SEC16A: variants seen among roughly 807,000 people sequenced by gnomAD.
SEC16A encodes the protein SEC16 homolog A, endoplasmic reticulum export factor.
SEC16A carries 110 observed loss-of-function variants against 221.9 expected under a neutral mutation model. That is an observed-to-expected ratio of 0.50 (90% CI 0.42 to 0.58). The LOEUF (loss-of-function observed/expected upper bound fraction) is 0.58, where lower values mean the gene tolerates loss of function less well. SEC16A is among the 20% of genes least tolerant of loss of function. The pLI is 0.00. For synonymous variants in SEC16A, 1,393 were observed against 1,257.7 expected (o/e 1.11, Z -2.28); for missense variants, 3,165 against 3,097.8 (o/e 1.02, Z -0.52).
At chr9:136,441,890 C>T (rs371297502) in intron 31 of SEC16A, 67 bp from the exon 32 acceptor site, 35 of 1,389,138 alleles carry the variant, frequency 2.5e-5, no homozygotes, top group Non-Finnish European at 3.3e-5. Flanking sequence ...TCGGCTGCAG[C>T]GTGGCAGGGG....
intron 23 of SEC16A, among the ~76,000 whole-genome samples, chr9:136,449,389 A>G (rs1837473826): frequency 6.6e-6 from 1 of 152,222 alleles, no homozygotes; most frequent in Admixed American, 6.5e-5. Flanking sequence ...AGCTGGGATT[A>G]CAGGCACCCA....
In SEC16A at chr9:136,456,115, C is replaced by T. The variant is rs761722324; in HGVS notation, c.5602G>A (p.Glu1868Lys). Residue 1868 changes from glutamate (E) to lysine (K), a missense_variant, in exon 19 of 32, where the codon GAG becomes AAG. Physicochemically the swap from Glu to Lys is moderately conservative, Grantham distance 56. This residue lies in a region of SEC16A where 1,088 missense variants were observed against 1,089.6 expected (regional missense o/e 1.00). Transcript: ENST00000684901. ...FDPQLKEKPE[E>K]ESLAAPTWLV... is the part of the protein sequence containing the mutation. ...CACGTGGGTGCGGCCAAGGACTCCTCTTCTGGCTTCTCTTTCAGCTGGGGA... is the reference window on the plus strand; with the variant it reads ...CACGTGGGTGCGGCCAAGGACTCCTTTTCTGGCTTCTCTTTCAGCTGGGGA... 2.5e-6 allele frequency: 4 copies of T among 1,612,802 alleles called. No individual in the cohort carries two copies. The highest frequency in any genetic ancestry group is 3.4e-6 in the Non-Finnish European group (4 of 1,179,842).
chr9:136,463,413 G>A lies in SEC16A; in HGVS notation c.4647+50C>T, dbSNP rs927250195. ...TCGGGAGGCTGAGCATTCCCAAGAC[G>A]AAATGAAGACCAGCAAGAAGAAACA... On this transcript the variant is annotated intron_variant, in intron 11 of 31. Transcript: ENST00000684901. The A allele has an allele frequency of 5.6e-6, 9 of 1,596,056 alleles. No individual in the cohort carries two copies. The Admixed American group carries it at 6.8e-5, about 12-fold the overall frequency.
rs369229593 is a variant in SEC16A, at chr9:136,475,726, G to A, written c.1890C>T (p.Asn630=). The change falls in exon 3 of 32, where the codon AAC becomes AAT. Residue 630 remains asparagine, a synonymous_variant. Transcript: ENST00000684901. The surrounding 1 kb of genome is among the most constrained non-coding windows in gnomAD (Gnocchi z 5.0). ...AGGTCTCCCTTACTTCACCAACCAC[G>A]TTGGCGCGATCTGCCTCAAATGGTT... ...GVKPFEADRA[N]VVGEVRETCV... The A allele has an allele frequency of 1.0e-4, 168 of 1,611,552 alleles. 1 individual carries two copies. The highest frequency in any genetic ancestry group is 3.3e-4 in the Middle Eastern group (2 of 6,082).
In SEC16A at chr9:136,471,958, G is replaced by T; in HGVS notation, c.3704+17C>A. On this transcript the variant is annotated intron_variant, in intron 4 of 31. Transcript: ENST00000684901. ...CTGAGTAGGACAGAGAGGCAGCCAG[G>T]GTGGGCGCGGCCGCACCTGGGAGGT... 6.2e-7 allele frequency: 1 copy of T among 1,609,954 alleles called. No homozygotes were observed. Among genetic ancestry groups the T allele is most frequent in the Non-Finnish European group, 8.5e-7 (1 of 1,179,622 alleles).
chr9:136,470,665 A>G (rs762563114), intron 4 of SEC16A, among the ~76,000 whole-genome samples: 29 of 152,204 alleles, frequency 1.9e-4, no homozygotes, highest in Non-Finnish European at 4.0e-4. Flanking sequence ...CACACCGCCC[A>G]GTGCATGCCC....
intron 17 of SEC16A, 96 bp from the exon 18 acceptor site, chr9:136,457,680 C>A: frequency 7.0e-7 from 1 of 1,426,004 alleles, no homozygotes; most frequent in South Asian, 1.4e-5. Context: ...CCCCTGCATC[C>A]GAGCATCGCC....
In SEC16A at chr9:136,448,041, T is replaced by C. The variant is rs765492330; in HGVS notation, c.6390+43A>G. 3.2e-6 allele frequency: 5 copies of C among 1,577,944 alleles called. No homozygotes were observed. The African/African-American group carries it at 4.1e-5, about 13-fold the overall frequency. On this transcript the variant is annotated intron_variant, in intron 24 of 31. Transcript: ENST00000684901. ...TGCTCTGAAAGTGACAGAAAAATCA[T>C]TACAATTCTTCGGACGTCCCGTGCG... is the stretch of plus-strand genomic sequence containing the variant.
chr9:136,470,685 A>G (rs987713788), intron 4 of SEC16A, among the ~76,000 whole-genome samples: 2 of 152,226 alleles, frequency 1.3e-5, no homozygotes, highest in African/African-American at 4.8e-5. Flanking sequence ...CTTGGAGCCG[A>G]GTACACCAGG....
At chr9:136,450,993 G>C (rs544427543) in intron 23 of SEC16A, among the ~76,000 whole-genome samples, 2 of 152,194 alleles carry the variant, frequency 1.3e-5, no homozygotes, top group South Asian at 4.1e-4. Flanking sequence ...GGTCCCTTGC[G>C]GGTGGGTCTG....
rs759095032 is a variant in SEC16A, at chr9:136,441,601, G to A, written c.*154C>T. On this transcript the variant is annotated 3_prime_UTR_variant, in exon 32 of 32. Coordinates refer to ENST00000684901, the MANE Select transcript of SEC16A (RefSeq NM_014866.2). ...ATTAATTTTCAAAATAATTCATTAC[G>A]ATGGGCGGTGAGGAGGGAGGCACAG... 92 of 614,408 alleles carry A rather than the reference G, an allele frequency of 1.5e-4. No homozygotes were observed. The highest frequency in any genetic ancestry group is 2.2e-4 in the Non-Finnish European group (73 of 336,572). 38.1% of individuals were successfully genotyped at this position (614,408 alleles called of 1,614,324 possible). A position where few individuals can be genotyped will look rare whatever the true frequency, so the allele number is the denominator to read the frequency against.
At chr9:136,465,888 C>T (rs1358405593) in intron 8 of SEC16A, 74 bp downstream of exon 8, 7 of 1,450,032 alleles carry the variant, frequency 4.8e-6, no homozygotes, top group African/African-American at 4.2e-5. Flanking sequence ...CCCTGACTCC[C>T]GTGTTCAGAT....
rs771445332 is a variant in SEC16A at position 136,475,061 on chromosome 9, G to C, written c.2555C>G (p.Ser852Cys). ...PINFSVSLSN[S>C]HEKNQSWREA... ...TCTCCAGGACTGATTCTTCTCATGA[G>C]AGTTCGATAAGGACACAGAAAAGTT... is the stretch of plus-strand genomic sequence containing the variant. The change falls in exon 3 of 32, where the codon TCT becomes TGT. Residue 852 changes from serine to cysteine, a missense_variant. By Grantham distance (112) the Ser-to-Cys change is moderately radical (BLOSUM62 -1). This residue lies in a region of SEC16A where 2,030 missense variants were observed against 1,923.1 expected (regional missense o/e 1.06). Transcript: ENST00000684901. This position sits in a 1 kb window ranked among gnomAD's most constrained non-coding sequence, Gnocchi z 5.0. The C allele has an allele frequency of 3.1e-6, 5 of 1,613,608 alleles. No individual in the cohort carries two copies. The highest frequency in any genetic ancestry group is 4.2e-6 in the Non-Finnish European group (5 of 1,179,860).
Position 136,475,966 on chromosome 9 carries a change from T to C in SEC16A, c.1650A>G (p.Glu550=), listed in dbSNP as rs747575867. The C allele has an allele frequency of 1.2e-6, 2 of 1,613,520 alleles. No homozygotes were observed. The highest frequency in any genetic ancestry group is 1.6e-4 in the Middle Eastern group (1 of 6,062). ...AAGCTTCATCCTCGGGTTTTCCAAC[T>C]TCTTGCTGAATGAATGTGCCAACCA... is the stretch of plus-strand genomic sequence containing the variant. ...QELVGTFIQQ[E]VGKPEDEASG... is the part of the protein sequence containing the mutation. Residue 550 remains glutamate (E), a synonymous_variant, in exon 3 of 32, where the codon GAA becomes GAG. Coordinates refer to ENST00000684901, the MANE Select transcript of SEC16A (RefSeq NM_014866.2). This position sits in a 1 kb window ranked among gnomAD's most constrained non-coding sequence, Gnocchi z 5.0.
chr9:136,457,409 C>T, intron 18 of SEC16A, 35 bp downstream of exon 18: 2 of 1,571,808 alleles, frequency 1.3e-6, no homozygotes, highest in Non-Finnish European at 1.7e-6. Context: ...CTGCAGTCAG[C>T]ACAGCATCCC....
chr9:136,483,864 C>T (rs911166299), upstream of SEC16A: 17 of 932,406 alleles, frequency 1.8e-5, no homozygotes, highest in East Asian at 1.6e-3. Flanking sequence ...CGCCTGCGCG[C>T]TGGTTGCCTG....
At position 136,475,621 on chromosome 9, in the gene SEC16A, G is replaced by C; in HGVS notation, c.1995C>G (p.Asn665Lys). Residue 665 changes from asparagine to lysine, a missense_variant, in exon 3 of 32, where the codon AAC (asparagine) becomes AAG (lysine). Transcript: ENST00000684901. The surrounding 1 kb of genome is among the most constrained non-coding windows in gnomAD (Gnocchi z 5.0). ...SPGNLEQPPD[N>K]METLCAPQVC... is the part of the protein sequence containing the mutation. ...CCTGGGGTGCACAGAGGGTCTCCATGTTGTCTGGTGGCTGCTCCAGGTTGC... is the reference window on the plus strand; with the variant it reads ...CCTGGGGTGCACAGAGGGTCTCCATCTTGTCTGGTGGCTGCTCCAGGTTGC... The C allele has an allele frequency of 6.2e-7, 1 of 1,613,764 alleles. No homozygotes were observed. Among genetic ancestry groups the C allele is most frequent in the Non-Finnish European group, 8.5e-7 (1 of 1,179,860 alleles).
At position 136,448,252 on chromosome 9, in the gene SEC16A, C is replaced by G. The variant is rs746511900; in HGVS notation, c.6313-91G>C. The stretch of plus-strand genomic sequence containing the variant: ...AAGACAAATTCTACATGACCCACTT[C>G]TGTGAGGCCCCAGAGTCGCCAGATC... On this transcript the variant is annotated intron_variant, in intron 23 of 31. Coordinates refer to ENST00000684901, the MANE Select transcript of SEC16A (RefSeq NM_014866.2). The G allele has an allele frequency of 1.4e-5, 15 of 1,056,642 alleles. No homozygotes were observed. In the African/African-American group the frequency reaches 1.9e-4, roughly 13 times the overall value. The allele number at this position is 1,056,642 out of a possible 1,614,324, so 65.5% of individuals were successfully genotyped here. A position where few individuals can be genotyped will look rare whatever the true frequency, so the allele number is the denominator to read the frequency against.
At position 136,457,509 on chromosome 9, in the gene SEC16A, T is replaced by C. The variant is rs1175613008; in HGVS notation, c.5485A>G (p.Ile1829Val). Residue 1829 changes from isoleucine (I) to valine (V), a missense_variant, in exon 18 of 32, where the codon ATC becomes GTC. Around this residue, in one of 3 missense-constraint regions of SEC16A, gnomAD observed 1,088 missense variants for 1,089.6 expected, o/e 1.00. Transcript: ENST00000684901. ...GGCTGCGTCAGGATGCTCTTCGCGA[T>C]GGCCTCACAGTAGTGGAAGGCTTGC... ...ATQAFHYCEAIAKSILTQPHL... is the reference protein window; with the variant it reads ...ATQAFHYCEAVAKSILTQPHL... 6.2e-7 allele frequency: 1 copy of C among 1,610,280 alleles called. No individual in the cohort carries two copies. The highest frequency in any genetic ancestry group is 8.5e-7 in the Non-Finnish European group (1 of 1,178,220).
Sources: gnomAD v4.1 joint callset for allele counts (sites outside exome capture counted in the v4.1 genomes callset) on GRCh38, gnomAD v4.1.1 for gene constraint, gnomAD v4.1.1 regional missense constraint, Gnocchi (gnomAD v3.1) non-coding constraint, MANE v1.5 for transcripts, NCBI Gene and HGNC (gene_info 2026-07-23, HGNC 2026-07-21) for gene names.